CAPS2: variants seen among roughly 807,000 people sequenced by gnomAD.
CAPS2 encodes the protein calcyphosin-2.
A neutral mutation model predicts 86.5 loss-of-function variants in CAPS2; 98 were observed. The ratio of observed to expected loss-of-function variants is 1.13; its 90% CI spans 0.96 to 1.34. The LOEUF (loss-of-function observed/expected upper bound fraction) is 1.34. Among genes scored for constraint, CAPS2 ranks in the 40% most tolerant of loss-of-function variants. CAPS2 has a pLI of 0.00. For missense variants in CAPS2, 729 were observed against 686.8 expected, an observed-to-expected ratio of 1.06 and a Z score of -0.69; for synonymous variants, 210 against 225.1, an observed-to-expected ratio of 0.93 and a Z score of 0.60.
chr12:75,301,756 G>T (rs1024162781), intron 8 of CAPS2, among the ~76,000 whole-genome samples: 3 of 152,104 alleles, frequency 2.0e-5, no homozygotes, highest in Admixed American at 2.0e-4. Context: ...AGTGACAAAT[G>T]GAAGTAATAG....
At chr12:75,307,798 G>A (rs756003784) in intron 7 of CAPS2, among the ~76,000 whole-genome samples, 6 of 152,136 alleles carry the variant, frequency 3.9e-5, no homozygotes, top group Non-Finnish European at 7.3e-5. Context: ...AGGTCACCAA[G>A]TAGAAAGATC....
chr12:75,346,810 A>C lies in CAPS2; in HGVS notation c.-394-23588T>G, dbSNP rs199614344. On this transcript the variant is annotated intron_variant, in intron 1 of 5. Transcript: ENST00000551829. ...ATCAATTTACGAAATAGCTTAGTACATTTTGCTAATAAAGTTGTAAAATAA... is the reference window on the plus strand; with the variant it reads ...ATCAATTTACGAAATAGCTTAGTACCTTTTGCTAATAAAGTTGTAAAATAA... Among the ~76,000 whole-genome samples the C allele has an allele frequency of 2.6e-5, 4 of 152,170 alleles. No individual in the cohort carries two copies. The East Asian group carries it at 7.7e-4, about 29-fold the overall frequency.
intron 7 of CAPS2, among the ~76,000 whole-genome samples, chr12:75,309,342 T>C (rs2138746761): frequency 6.6e-6 from 1 of 152,360 alleles, no homozygotes; most frequent in East Asian, 1.9e-4. Flanking sequence ...GCTATCTGCG[T>C]GTGTCTCGTC....
intron 7 of CAPS2, chr12:75,306,050 C>T: frequency 6.8e-7 from 1 of 1,471,078 alleles, no homozygotes. Flanking sequence ...GCGCCAGAGA[C>T]AGCGCCGTCT....
rs556770226 is a variant in CAPS2 at position 75,291,480 on chromosome 12, C to CATAT, written c.1240+260_1240+263dup. On this transcript the variant is annotated intron_variant, in intron 13 of 16. Coordinates refer to ENST00000393284, the Ensembl canonical transcript of CAPS2. ...GTTTAGAAATCCTAAACAATAAAAG[C>CATAT]ATATATATATATATATATATATATA... Among the ~76,000 whole-genome samples, 129 of 18,622 alleles carry CATAT rather than the reference C, an allele frequency of 6.9e-3. 1 individual carries two copies. Among genetic ancestry groups the CATAT allele is most frequent in the Non-Finnish European group, 8.9e-3 (109 of 12,242 alleles). 12.2% of individuals were successfully genotyped at this position (18,622 alleles called of 152,430 possible).
chr12:75,382,010 A>C (rs1383636494), intron 1 of CAPS2, among the ~76,000 whole-genome samples: 3 of 152,162 alleles, frequency 2.0e-5, no homozygotes, highest in African/African-American at 7.2e-5. Flanking sequence ...CATTTTAACG[A>C]AGTAAAGTCT....
chr12:75,289,356 G>A (rs1468965753), intron 14 of CAPS2, among the ~76,000 whole-genome samples: 26 of 152,130 alleles, frequency 1.7e-4, no homozygotes. Flanking sequence ...TATGTTCATT[G>A]TCCTTCAATT....
chr12:75,378,865 A>G, intron 1 of CAPS2, among the ~76,000 whole-genome samples: 1 of 152,212 alleles, frequency 6.6e-6, no homozygotes, highest in East Asian at 1.9e-4. Context: ...CATCATGTAT[A>G]TAGAGTCTTA....
chr12:75,369,403 T>A (rs2044208146), intron 1 of CAPS2: 2 of 484,134 alleles, frequency 4.1e-6, no homozygotes, highest in Non-Finnish European at 5.4e-6. Context: ...TGGTAACCAT[T>A]ATATCCAAAG....
At chr12:75,293,146 C>T (rs1323278017) in intron 12 of CAPS2, 103 bp downstream of exon 12, 3 of 725,748 alleles carry the variant, frequency 4.1e-6, no homozygotes, top group Non-Finnish European at 6.9e-6. Context: ...AAATATAAAC[C>T]TTAATGAAGT....
intron 1 of CAPS2, chr12:75,359,832 T>A (rs770787270): frequency 3.3e-5 from 5 of 152,176 alleles, no homozygotes; most frequent in Non-Finnish European, 1.5e-5. Flanking sequence ...AATGGATCGT[T>A]GATGTATTTG....
chr12:75,276,105 C>T (rs2032887264), downstream of CAPS2: 13 of 1,212,306 alleles, frequency 1.1e-5, 1 homozygote, highest in South Asian at 1.1e-4. Context: ...TGATCAGAAA[C>T]GAATACATCC....
At chr12:75,356,733 A>G (rs7979548) in intron 1 of CAPS2, among the ~76,000 whole-genome samples, 10,187 of 152,278 alleles carry the variant, frequency 0.067, 477 homozygotes, top group African/African-American at 0.14. Context: ...TAAATGCCCC[A>G]AACTAAAAAA....
intron 8 of CAPS2, among the ~76,000 whole-genome samples, chr12:75,303,715 A>G (rs1177698704): frequency 6.6e-6 from 1 of 152,248 alleles, no homozygotes; most frequent in Non-Finnish European, 1.5e-5. Context: ...GGAATACATT[A>G]TATGGTAGAA....
chr12:75,310,571 G>A (rs1319865359), intron 7 of CAPS2, among the ~76,000 whole-genome samples: 1 of 150,790 alleles, frequency 6.6e-6, no homozygotes, highest in Non-Finnish European at 1.5e-5. Flanking sequence ...TGGATAGACT[G>A]TGTTATTGGC....
intron 14 of CAPS2, 87 bp downstream of exon 14, chr12:75,289,534 T>C: frequency 1.6e-6 from 2 of 1,226,446 alleles, no homozygotes; most frequent in Non-Finnish European, 1.1e-6. Flanking sequence ...AGAAAATAAA[T>C]GAAAACTAAA....
chr12:75,304,035 G>A (rs1261383640), intron 8 of CAPS2, among the ~76,000 whole-genome samples: 1 of 152,118 alleles, frequency 6.6e-6, no homozygotes, highest in Non-Finnish European at 1.5e-5. Flanking sequence ...TTAGGCATCT[G>A]AACTCCAGAA....
chr12:75,292,882 C>CTAAATATA (rs2036237761), intron 12 of CAPS2, among the ~76,000 whole-genome samples: 2 of 150,154 alleles, frequency 1.3e-5, no homozygotes, highest in Non-Finnish European at 3.0e-5. Context: ...TTTTTAGATA[C>CTAAATATA]TAAAAAAAAA....
intron 1 of CAPS2, among the ~76,000 whole-genome samples, chr12:75,338,107 T>C (rs2041860791): frequency 6.6e-6 from 1 of 152,152 alleles, no homozygotes; most frequent in Non-Finnish European, 1.5e-5. Flanking sequence ...CTTTTGGAAC[T>C]TTATGAGTCA....
Sources: gnomAD v4.1 joint callset for allele counts (sites outside exome capture counted in the v4.1 genomes callset) on GRCh38, gnomAD v4.1.1 for gene constraint, MANE v1.5 for transcripts, NCBI Gene and HGNC (gene_info 2026-07-23, HGNC 2026-07-21) for gene names.